Variants in PLA2G2A observed in about 807,000 individuals in gnomAD.
PLA2G2A encodes the protein phospholipase A2 group IIA, also known as phospholipase A2, membrane associated.
Under a neutral mutation model 11.2 loss-of-function variants are expected in PLA2G2A, and 6 were observed. That is an observed-to-expected ratio of 0.54 (90% confidence interval 0.29 to 1.06). PLA2G2A has a LOEUF of 1.06. Ranked by LOEUF, PLA2G2A falls within the 50% of genes least tolerant of loss-of-function variation. The pLI, the probability that PLA2G2A is intolerant of heterozygous loss-of-function variation, is 0.08. For synonymous variants in PLA2G2A, 69 were observed against 65.8 expected (o/e 1.05, Z -0.23); for missense variants, 133 against 177.1 (o/e 0.75, Z 1.41).
In PLA2G2A at chr1:19,975,910, C is replaced by A. The variant is rs970929200; in HGVS notation, c.293-67G>T. On this transcript the variant is annotated intron_variant, in intron 4 of 4. Coordinates refer to ENST00000482011, the Ensembl canonical transcript of PLA2G2A. The stretch of plus-strand genomic sequence containing the variant: ...ATATTCAGTGGCTTCTTGTGGGAAC[C>A]CTGGGGTAGAAGACACAGCCCTGTC... 58 of 1,418,280 alleles carry A rather than the reference C, an allele frequency of 4.1e-5. No individual in the cohort carries two copies. In the African/African-American group the frequency reaches 7.5e-4, roughly 18 times the overall value. 87.9% of individuals were successfully genotyped at this position (1,418,280 alleles called of 1,614,324 possible). A position where few individuals can be genotyped will look rare whatever the true frequency, so the allele number is the denominator to read the frequency against.
In PLA2G2A at chr1:19,978,525, C is replaced by T; in HGVS notation, c.41-1G>A. 1 of 1,613,536 alleles carries T rather than the reference C, an allele frequency of 6.2e-7. No homozygotes were observed. Reference sequence around the variant, plus strand: ...AAATTCCCATGGGCCTGCAGTAGGCCTGGAAGGAAATTTGGGAGTTGTCTG... The same window carrying T: ...AAATTCCCATGGGCCTGCAGTAGGCTTGGAAGGAAATTTGGGAGTTGTCTG... On this transcript the variant is annotated splice_acceptor_variant, in intron 2 of 4. Coordinates refer to ENST00000482011, the Ensembl canonical transcript of PLA2G2A. LOFTEE classifies it high-confidence loss of function.
exon 3 of PLA2G2A, chr1:19,978,427 G>A: frequency 6.2e-7 from 1 of 1,611,938 alleles, no homozygotes; most frequent in East Asian, 2.2e-5. Flanking sequence ...CGCCACAGTG[G>A]CAGCCGTAGA....
At chr1:19,976,981 C>T (rs747682158) in intron 4 of PLA2G2A, among the ~76,000 whole-genome samples, 5 of 152,168 alleles carry the variant, frequency 3.3e-5, no homozygotes, top group Non-Finnish European at 5.9e-5. Context: ...TTGACCTTCT[C>T]GCTCAGTTCC....
rs1248030400 is a variant in PLA2G2A, at chr1:19,975,921, A to C, written c.293-78T>G. ...CTTCTTGTGGGAACCCTGGGGTAGAAGACACAGCCCTGTCCTCCAGAAGCT... is the reference window on the plus strand; with the variant it reads ...CTTCTTGTGGGAACCCTGGGGTAGACGACACAGCCCTGTCCTCCAGAAGCT... On this transcript the variant is annotated intron_variant, in intron 4 of 4. Coordinates refer to ENST00000482011, the Ensembl canonical transcript of PLA2G2A. 16 of 1,262,840 alleles carry C rather than the reference A, an allele frequency of 1.3e-5. No homozygotes were observed. In the Admixed American group the frequency reaches 2.0e-4, roughly 16 times the overall value. 78.2% of individuals were successfully genotyped at this position (1,262,840 alleles called of 1,614,324 possible).
intron 4 of PLA2G2A, among the ~76,000 whole-genome samples, chr1:19,976,682 T>G (rs1421973426): frequency 6.6e-6 from 1 of 152,220 alleles, no homozygotes; most frequent in Non-Finnish European, 1.5e-5. Flanking sequence ...ATCCCACTCA[T>G]GAGTCAGCTG....
chr1:19,975,782 A>G, exon 5 of PLA2G2A: 1 of 1,613,416 alleles, frequency 6.2e-7, no homozygotes, highest in Non-Finnish European at 8.5e-7. Context: ...TGTTTCTAGC[A>G]AAACAGGTGG....
chr1:19,978,396 T>C lies in PLA2G2A; in HGVS notation c.169A>G (p.Lys57Glu), dbSNP rs979059840. The change falls in exon 3 of 5, where the codon AAG (lysine) becomes GAG (glutamate). Residue 57 changes from lysine (K) to glutamate (E), a missense_variant. Physicochemically the swap from Lys to Glu is moderately conservative, Grantham distance 56. Coordinates refer to ENST00000482011, the Ensembl canonical transcript of PLA2G2A. ...TGGCCTCACCGATCCGTTGCATCCTTGGGGGATCCTCTGCCACCCACGCCA... is the reference window on the plus strand; with the variant it reads ...TGGCCTCACCGATCCGTTGCATCCTCGGGGGATCCTCTGCCACCCACGCCA... 4 of 1,612,858 alleles carry C rather than the reference T, an allele frequency of 2.5e-6. No individual in the cohort carries two copies. The highest frequency in any genetic ancestry group is 2.7e-5 in the African/African-American group (2 of 74,876).
upstream of PLA2G2A, among the ~76,000 whole-genome samples, chr1:19,979,929 G>A (rs1001879676): frequency 2.6e-5 from 4 of 152,182 alleles, no homozygotes; most frequent in Non-Finnish European, 2.9e-5. Flanking sequence ...CGCCTCTAAG[G>A]GGGGCAGAGA....
Position 19,975,808 on chromosome 1 carries a change from ACT to A in PLA2G2A, c.326_327del (p.Glu109ValfsTer2), listed in dbSNP as rs1199423248. On this transcript the variant is annotated frameshift_variant, in exon 5 of 5. Transcript: ENST00000482011. LOFTEE classifies it low-confidence loss of function (END_TRUNC). The stretch of plus-strand genomic sequence containing the variant: ...AAACAGGTGGCAGCAGCCTTATCAC[ACT>A]CACACAGTTGACTTCTGCAGGAGTC... The A allele has an allele frequency of 1.2e-6, 2 of 1,613,830 alleles. No homozygotes were observed. Among genetic ancestry groups the A allele is most frequent in the African/African-American group, 1.3e-5 (1 of 74,928 alleles).
At position 19,976,010 on chromosome 1, in the gene PLA2G2A, C is replaced by T. The variant is rs11573174; in HGVS notation, c.293-167G>A. On this transcript the variant is annotated intron_variant, in intron 4 of 4. Coordinates refer to ENST00000482011, the Ensembl canonical transcript of PLA2G2A. ...GACCAATGGGGAGACAGAATTCTTG[C>T]CCTTGGGATGCTGGCCTCCAGCCTG... 6.3e-3 allele frequency among the ~76,000 whole-genome samples: 956 copies of T among 152,276 alleles called. 15 individuals carry two copies. The highest frequency in any genetic ancestry group is 0.022 in the African/African-American group (900 of 41,542).
At chr1:19,978,839 T>C in exon 2 of PLA2G2A, 1 of 1,524,970 alleles carries the variant, frequency 6.6e-7, no homozygotes, top group Non-Finnish European at 9.1e-7. Context: ...TGGTCTCAAC[T>C]TCTGCCCCGG....
chr1:19,976,691 TG>T (rs2046224077), intron 4 of PLA2G2A, among the ~76,000 whole-genome samples: 1 of 152,246 alleles, frequency 6.6e-6, no homozygotes, highest in African/African-American at 2.4e-5. Context: ...ATGAGTCAGC[TG>T]TCTGGGGACA....
At chr1:19,979,492 C>T (rs540491457) in intron 1 of PLA2G2A, 88 bp downstream of exon 1, 1 of 153,882 alleles carries the variant, frequency 6.5e-6, no homozygotes, top group South Asian at 2.0e-4. Context: ...AAATCATGCA[C>T]ATGCATGCAC....
chr1:19,979,933 G>C (rs11573154), upstream of PLA2G2A, among the ~76,000 whole-genome samples: 1,723 of 152,296 alleles, frequency 0.011, 35 homozygotes, highest in African/African-American at 0.038. Context: ...TCTAAGGGGG[G>C]CAGAGACTGT....
At chr1:19,978,292 C>A in intron 3 of PLA2G2A, 88 bp downstream of exon 3, 1 of 1,498,578 alleles carries the variant, frequency 6.7e-7, no homozygotes, top group Non-Finnish European at 9.2e-7. Context: ...GAGACCTCTG[C>A]GCCCATCAGG....
At position 19,979,391 on chromosome 1, in the gene PLA2G2A, G is replaced by A. The variant is rs575583994; in HGVS notation, c.-107+189C>T. ...CCTATGCCCACATACACACACTCTC[G>A]TACTTACCTGATAGTGCCAACATCC... On this transcript the variant is annotated intron_variant, in intron 1 of 4. Coordinates refer to ENST00000482011, the Ensembl canonical transcript of PLA2G2A. 3.3e-5 allele frequency among the ~76,000 whole-genome samples: 5 copies of A among 152,092 alleles called. No homozygotes were observed. In the East Asian group the frequency reaches 7.7e-4, roughly 24 times the overall value.
intron 4 of PLA2G2A, among the ~76,000 whole-genome samples, chr1:19,977,528 T>G (rs1456991131): frequency 6.6e-6 from 1 of 152,240 alleles, no homozygotes; most frequent in Non-Finnish European, 1.5e-5. Flanking sequence ...GTAGCTCCTT[T>G]GCTTAATAGC....
At chr1:19,978,275 C>G (rs1219579265) in intron 3 of PLA2G2A, 105 bp downstream of exon 3, 44 of 1,450,346 alleles carry the variant, frequency 3.0e-5, no homozygotes, top group Non-Finnish European at 4.0e-5. Flanking sequence ...TCCAGCCAGG[C>G]CATCCTGAGA....
At chr1:19,978,972 T>G (rs991789739) in intron 1 of PLA2G2A, 93 bp from the exon 2 acceptor site, 34 of 439,266 alleles carry the variant, frequency 7.7e-5, no homozygotes, top group Non-Finnish European at 1.2e-4. Context: ...CCTCCAGCAA[T>G]GCACACACAC....
Sources: gnomAD v4.1 joint callset for allele counts (sites outside exome capture counted in the v4.1 genomes callset) on GRCh38, gnomAD v4.1.1 for gene constraint, MANE v1.5 for transcripts, NCBI Gene and HGNC (gene_info 2026-07-23, HGNC 2026-07-21) for gene names.